NSMCE2: variants seen among roughly 807,000 people sequenced by gnomAD.
NSMCE2 encodes NSE2 SUMO ligase component of SMC5/6 complex.
In NSMCE2, 24 loss-of-function variants were observed where a neutral mutation model predicts 23.8. The observed-to-expected ratio is 1.01, with a 90% confidence interval of 0.73 to 1.42. The LOEUF (loss-of-function observed/expected upper bound fraction) is 1.42, where lower values mean the gene tolerates loss of function less well. NSMCE2 is among the 40% of genes most tolerant of loss of function. The pLI is 0.00. For synonymous variants in NSMCE2, 92 were observed against 94.1 expected (o/e 0.98, Z 0.13); for missense variants, 284 against 296.5 (o/e 0.96, Z 0.31).
chr8:125,320,296 G>A (rs1176610461), intron 5 of NSMCE2, among the ~76,000 whole-genome samples: 5 of 119,416 alleles, frequency 4.2e-5, no homozygotes, highest in Admixed American at 3.7e-4. Context: ...AAGGAAGGAA[G>A]GAAGGAAGGA....
chr8:125,189,044 A>T (rs1028408617), intron 5 of NSMCE2, among the ~76,000 whole-genome samples: 1 of 152,240 alleles, frequency 6.6e-6, no homozygotes, highest in African/African-American at 2.4e-5. Flanking sequence ...CAAAGTATGG[A>T]CCAACTTGCC....
intron 5 of NSMCE2, among the ~76,000 whole-genome samples, chr8:125,258,059 T>A (rs1826520875): frequency 6.6e-6 from 1 of 152,200 alleles, no homozygotes; most frequent in Admixed American, 6.5e-5. Flanking sequence ...ATGTGATTCA[T>A]GTAGTAGCAT....
At chr8:125,218,058 A>G (rs1284340932) in intron 5 of NSMCE2, among the ~76,000 whole-genome samples, 1 of 152,218 alleles carries the variant, frequency 6.6e-6, no homozygotes, top group African/African-American at 2.4e-5. Flanking sequence ...CATATTCTGC[A>G]TAATATCAGT....
At chr8:125,275,025 T>TAATAAC (rs1306680988) in intron 5 of NSMCE2, among the ~76,000 whole-genome samples, 4 of 144,376 alleles carry the variant, frequency 2.8e-5, no homozygotes, top group African/African-American at 1.1e-4. Flanking sequence ...ATAATAATAA[T>TAATAAC]AATAATAATA....
chr8:125,120,539 A>G (rs1385341453), intron 3 of NSMCE2, among the ~76,000 whole-genome samples: 2 of 152,312 alleles, frequency 1.3e-5, no homozygotes, highest in South Asian at 2.1e-4. Flanking sequence ...CAGTACTTTC[A>G]TATTTTGTGG....
chr8:125,134,822 G>A (rs1295040807), intron 3 of NSMCE2, among the ~76,000 whole-genome samples: 1 of 150,648 alleles, frequency 6.6e-6, no homozygotes, highest in African/African-American at 2.4e-5. Flanking sequence ...CTACCTCCTG[G>A]CCTCCAGTGA....
At chr8:125,103,736 G>A (rs896983963) in intron 3 of NSMCE2, among the ~76,000 whole-genome samples, 1 of 151,976 alleles carries the variant, frequency 6.6e-6, no homozygotes, top group African/African-American at 2.4e-5. Context: ...CTTGTCTACT[G>A]CAGTGTCTAA....
intron 5 of NSMCE2, among the ~76,000 whole-genome samples, chr8:125,351,978 A>G (rs754702964): frequency 3.3e-5 from 5 of 152,160 alleles, no homozygotes; most frequent in Non-Finnish European, 5.9e-5. Context: ...GTGCTGCTGC[A>G]ACTCTAGCCT....
intron 3 of NSMCE2, among the ~76,000 whole-genome samples, chr8:125,124,640 T>G (rs774933778): frequency 1.2e-4 from 18 of 152,044 alleles, no homozygotes; most frequent in Non-Finnish European, 2.2e-4. Context: ...CCACCACACC[T>G]GGCTAATTTT....
At chr8:125,139,453 G>A (rs1456639830) in intron 3 of NSMCE2, among the ~76,000 whole-genome samples, 9 of 152,126 alleles carry the variant, frequency 5.9e-5, no homozygotes, top group African/African-American at 1.4e-4. Context: ...CCGGAGACTG[G>A]TAATTTATAA....
At chr8:125,272,105 C>T (rs2131090886) in intron 5 of NSMCE2, among the ~76,000 whole-genome samples, 1 of 151,526 alleles carries the variant, frequency 6.6e-6, no homozygotes, top group African/African-American at 2.4e-5. Flanking sequence ...GCTCCGCCTC[C>T]CGGGTTCACG....
At chr8:125,178,765 G>A (rs958822083) in intron 4 of NSMCE2, among the ~76,000 whole-genome samples, 2 of 152,156 alleles carry the variant, frequency 1.3e-5, no homozygotes, top group African/African-American at 4.8e-5. Flanking sequence ...AGCTACTTGG[G>A]AGGCTGAGGC....
chr8:125,104,569 T>G (rs1818366434), intron 3 of NSMCE2, among the ~76,000 whole-genome samples: 1 of 152,162 alleles, frequency 6.6e-6, no homozygotes, highest in Non-Finnish European at 1.5e-5. Context: ...GTTGTTCACT[T>G]TATAGCTGTC....
intron 3 of NSMCE2, among the ~76,000 whole-genome samples, chr8:125,126,493 G>A (rs535423071): frequency 6.6e-6 from 1 of 152,120 alleles, no homozygotes; most frequent in African/African-American, 2.4e-5. Context: ...GTTAACTTCA[G>A]GTTGGGCCTT....
At chr8:125,193,798 G>A (rs1823473114) in intron 5 of NSMCE2, among the ~76,000 whole-genome samples, 1 of 152,336 alleles carries the variant, frequency 6.6e-6, no homozygotes, top group South Asian at 2.1e-4. Context: ...TTTATCCTAA[G>A]TGTGCCCCTT....
intron 5 of NSMCE2, among the ~76,000 whole-genome samples, chr8:125,211,628 C>T (rs78435068): frequency 0.031 from 4,754 of 152,124 alleles, 243 homozygotes; most frequent in African/African-American, 0.11. Context: ...TCAAAGGAGA[C>T]GTGAATTTTT....
At chr8:125,352,056 C>T (rs1272405246) in intron 5 of NSMCE2, among the ~76,000 whole-genome samples, 1 of 151,928 alleles carries the variant, frequency 6.6e-6, no homozygotes, top group Non-Finnish European at 1.5e-5. Context: ...TCTTGCTACA[C>T]AATAGGAATA....
At chr8:125,134,508 C>G (rs77099619) in intron 3 of NSMCE2, among the ~76,000 whole-genome samples, 4,153 of 152,164 alleles carry the variant, frequency 0.027, 176 homozygotes, top group African/African-American at 0.095. Flanking sequence ...TTTGATTTTT[C>G]TAATGATCAT....
chr8:125,316,959 G>GTT (rs112763782), intron 5 of NSMCE2, among the ~76,000 whole-genome samples: 11 of 146,756 alleles, frequency 7.5e-5, no homozygotes, highest in African/African-American at 2.5e-4. Flanking sequence ...TTGGTTTTTC[G>GTT]TTTTTTTTTT....
Sources: gnomAD v4.1 joint callset for allele counts (sites outside exome capture counted in the v4.1 genomes callset) on GRCh38, gnomAD v4.1.1 for gene constraint, MANE v1.5 for transcripts, NCBI Gene and HGNC (gene_info 2026-07-23, HGNC 2026-07-21) for gene names.